The following SHISA9 variants were observed in gnomAD, a reference collection of about 807,000 sequenced individuals.
The protein encoded by SHISA9 is shisa family member 9, also known as protein shisa-9.
SHISA9 carries 13 observed loss-of-function variants against 38.0 expected under a neutral mutation model. The observed-to-expected ratio is 0.34, with a 90% confidence interval of 0.22 to 0.54. The LOEUF (loss-of-function observed/expected upper bound fraction) is 0.54, where lower values mean the gene tolerates loss of function less well. SHISA9 is among the 20% of genes least tolerant of loss of function. The probability of loss-of-function intolerance (pLI) is 0.91; values close to 1 mark genes in which losing one functional copy is unlikely to be tolerated. For missense variants in SHISA9, 538 were observed against 575.8 expected (o/e 0.93, Z 0.67); for synonymous variants, 275 against 242.0 (o/e 1.14, Z -1.27).
At position 13,203,651 on chromosome 16, in the gene SHISA9, T is replaced by C. The variant is rs1345225716; in HGVS notation, c.847+102T>C. The stretch of plus-strand genomic sequence containing the variant: ...TCCAGTTTTCTTTCCTAATTCCTTT[T>C]TCTAGCTCTCTTTTTTTCTCTTTCT... On this transcript the variant is annotated intron_variant, in intron 3 of 4. Coordinates refer to ENST00000558583, the MANE Select transcript of SHISA9 (RefSeq NM_001145204.3). The C allele has an allele frequency of 5.6e-6, 7 of 1,250,012 alleles. No individual in the cohort carries two copies. The Admixed American group carries it at 1.4e-4, about 25-fold the overall frequency. The allele number at this position is 1,250,012 out of a possible 1,614,324, so 77.4% of individuals were successfully genotyped here.
intron 2 of SHISA9, among the ~76,000 whole-genome samples, chr16:13,083,713 G>T (rs1257890590): frequency 6.6e-6 from 1 of 152,244 alleles, no homozygotes; most frequent in East Asian, 1.9e-4. Flanking sequence ...GGGCTGCCTT[G>T]TCTATGGGCT....
chr16:13,224,661 A>G (rs2142078256), intron 4 of SHISA9, among the ~76,000 whole-genome samples: 1 of 152,320 alleles, frequency 6.6e-6, no homozygotes, highest in African/African-American at 2.4e-5. Flanking sequence ...TGGTTAAGGG[A>G]GACAGAGCAT....
At chr16:13,055,562 A>G (rs1184170712) in intron 2 of SHISA9, among the ~76,000 whole-genome samples, 6 of 152,142 alleles carry the variant, frequency 3.9e-5, no homozygotes, top group Non-Finnish European at 2.9e-5. Flanking sequence ...TTGAATTCCA[A>G]TTCCAGGAGC....
chr16:13,552,959 G>A, the SHISA9 span, among the ~76,000 whole-genome samples: 2 of 152,024 alleles, frequency 1.3e-5, no homozygotes, highest in South Asian at 2.1e-4. Flanking sequence ...CCAGATAATC[G>A]TTTGTTGTGG....
At chr16:13,308,447 T>C in the SHISA9 span, among the ~76,000 whole-genome samples, 1 of 152,220 alleles carries the variant, frequency 6.6e-6, no homozygotes, top group Non-Finnish European at 1.5e-5. Context: ...GTTGCATTAT[T>C]CAAGGTAGAT....
At chr16:13,099,361 T>A (rs144535073) in intron 2 of SHISA9, among the ~76,000 whole-genome samples, 1 of 152,118 alleles carries the variant, frequency 6.6e-6, no homozygotes, top group East Asian at 1.9e-4. Flanking sequence ...AAAATATAAC[T>A]AAACTAGATA....
intron 4 of SHISA9, among the ~76,000 whole-genome samples, chr16:13,233,456 A>C (rs931750746): frequency 6.6e-6 from 1 of 152,226 alleles, no homozygotes; most frequent in African/African-American, 2.4e-5. Context: ...AAATAATTCT[A>C]CTTTTTATAA....
At chr16:13,043,246 C>A (rs2073152026) in intron 2 of SHISA9, among the ~76,000 whole-genome samples, 2 of 152,138 alleles carry the variant, frequency 1.3e-5, no homozygotes. Flanking sequence ...GAGGTCTCAA[C>A]AGGCCTGTCC....
At chr16:13,279,568 G>A in the SHISA9 span, among the ~76,000 whole-genome samples, 4 of 151,992 alleles carry the variant, frequency 2.6e-5, no homozygotes, top group East Asian at 7.7e-4. Context: ...GTATGGACCT[G>A]CATATGATCT....
At chr16:13,196,678 A>G (rs915706099) in intron 2 of SHISA9, among the ~76,000 whole-genome samples, 1 of 152,226 alleles carries the variant, frequency 6.6e-6, no homozygotes, top group Admixed American at 6.5e-5. Flanking sequence ...TGACAAATAT[A>G]CCACACTAAT....
At chr16:13,383,890 AG>A in the SHISA9 span, among the ~76,000 whole-genome samples, 1 of 152,092 alleles carries the variant, frequency 6.6e-6, no homozygotes, top group Non-Finnish European at 1.5e-5. Context: ...CCTGAGCTCA[AG>A]TTATCCACCT....
intron 2 of SHISA9, among the ~76,000 whole-genome samples, chr16:13,181,267 T>TTATATATATATATATA (rs1156705123): frequency 2.5e-5 from 2 of 80,104 alleles, no homozygotes; most frequent in Non-Finnish European, 4.8e-5. Context: ...AAATAAAATT[T>TTATATATATATATATA]TATATATATA....
chr16:13,301,873 G>A, the SHISA9 span, among the ~76,000 whole-genome samples: 2 of 152,146 alleles, frequency 1.3e-5, no homozygotes, highest in African/African-American at 2.4e-5. Flanking sequence ...TGTCAAACGA[G>A]GCTAATGTTG....
At position 13,053,956 on chromosome 16, in the gene SHISA9, C is replaced by T. The variant is rs1031372774; in HGVS notation, c.691+137141C>T. 5.9e-5 allele frequency among the ~76,000 whole-genome samples: 9 copies of T among 152,192 alleles called. No homozygotes were observed. The East Asian group carries it at 9.6e-4, about 16-fold the overall frequency. On this transcript the variant is annotated intron_variant, in intron 2 of 4. Coordinates refer to ENST00000558583, the MANE Select transcript of SHISA9 (RefSeq NM_001145204.3). ...CCCTCCCCAGAGTCGGTATCCTTGA[C>T]GATTCCAGCTGGAGGAGTCTCGCCT...
chr16:13,488,848 G>A, the SHISA9 span, among the ~76,000 whole-genome samples: 1 of 152,090 alleles, frequency 6.6e-6, no homozygotes, highest in Non-Finnish European at 1.5e-5. Context: ...TGCAAGCTCC[G>A]CCTCCCGGGC....
At chr16:12,967,457 C>T (rs2071994955) in intron 2 of SHISA9, among the ~76,000 whole-genome samples, 1 of 151,706 alleles carries the variant, frequency 6.6e-6, no homozygotes, top group Non-Finnish European at 1.5e-5. Context: ...ATACCTAATG[C>T]TAAATGACGA....
intron 3 of SHISA9, among the ~76,000 whole-genome samples, chr16:13,208,413 AC>A (rs1374650956): frequency 6.9e-6 from 1 of 144,686 alleles, no homozygotes; most frequent in East Asian, 2.0e-4. Flanking sequence ...GTTTAAAGAG[AC>A]CTCTTTTCCT....
intron 2 of SHISA9, among the ~76,000 whole-genome samples, chr16:13,020,013 C>CCT (rs1567184383): frequency 5.6e-5 from 3 of 53,714 alleles, no homozygotes; most frequent in African/African-American, 1.4e-4. Context: ...CCTTCCTTCC[C>CCT]TCCTTCCTTC....
In SHISA9 at chr16:13,235,523, C is replaced by T. The variant is rs2051374917; in HGVS notation, c.*114C>T. On this transcript the variant is annotated 3_prime_UTR_variant, in exon 5 of 5. Coordinates refer to ENST00000558583, the MANE Select transcript of SHISA9 (RefSeq NM_001145204.3). ...ATACATGCGTCCACACACTCACTCTCAACAAGAACCAACTCTAAACCTACT... is the reference window on the plus strand; with the variant it reads ...ATACATGCGTCCACACACTCACTCTTAACAAGAACCAACTCTAAACCTACT... 1.8e-5 allele frequency: 23 copies of T among 1,249,328 alleles called. 2 individuals are homozygous for T. The South Asian group carries it at 3.6e-4, about 20-fold the overall frequency. 77.4% of individuals were successfully genotyped at this position (1,249,328 alleles called of 1,614,324 possible).
Sources: allele counts gnomAD v4.1 joint callset (sites outside exome capture counted in the v4.1 genomes callset), GRCh38; gene constraint gnomAD v4.1.1; transcripts MANE v1.5; gene names NCBI Gene and HGNC (gene_info 2026-07-23, HGNC 2026-07-21).